The following RASAL1 variants were observed in gnomAD, a reference collection of about 807,000 sequenced individuals.
The protein encoded by RASAL1 is rasGAP-activating-like protein 1.
A neutral mutation model predicts 96.6 loss-of-function variants in RASAL1; 72 were observed. The ratio of observed to expected loss-of-function variants is 0.75; its 90% CI spans 0.62 to 0.91. RASAL1 has a LOEUF of 0.91. Among genes scored for constraint, RASAL1 ranks in the 40% least tolerant of loss-of-function variants. The probability of loss-of-function intolerance (pLI) is 0.00; values close to 1 mark genes in which losing one functional copy is unlikely to be tolerated. For synonymous variants in RASAL1, 405 were observed against 430.4 expected (o/e 0.94, Z 0.73); for missense variants, 1,016 against 1,072.5 (o/e 0.95, Z 0.74).
At chr12:113,128,620 C>G (rs1951583805) in intron 2 of RASAL1, among the ~76,000 whole-genome samples, 1 of 152,036 alleles carries the variant, frequency 6.6e-6, no homozygotes, top group Non-Finnish European at 1.5e-5. Flanking sequence ...TGCATAGCAA[C>G]CAACAGAAAC....
intron 1 of RASAL1, among the ~76,000 whole-genome samples, chr12:113,133,258 TG>T (rs1951785123): frequency 6.6e-6 from 1 of 152,222 alleles, no homozygotes. Context: ...TCCAGACCCC[TG>T]ATCTCTCCAG....
In RASAL1 at chr12:113,103,994, C is replaced by A; in HGVS notation, c.2056G>T (p.Ala686Ser). The A allele has an allele frequency of 6.4e-7, 1 of 1,571,104 alleles. No homozygotes were observed. The highest frequency in any genetic ancestry group is 1.3e-5 in the African/African-American group (1 of 74,278). ...PNKLAACHPGAFRSARWTCCL... is the reference protein window; with the variant it reads ...PNKLAACHPGSFRSARWTCCL... ...CAGGTCCAGCGCGCGCTGCGGAAGG[C>A]ACCGGGGTGGCAGGCGGCCAGCTTG... The change falls in exon 18 of 21, where the codon GCC becomes TCC. Residue 686 changes from alanine to serine, a missense_variant. Ala to Ser is a moderately conservative substitution (Grantham distance 99, BLOSUM62 1). Transcript: ENST00000548055.
intron 5 of RASAL1, among the ~76,000 whole-genome samples, 187 bp from the exon 6 acceptor site, chr12:113,119,630 T>C (rs1210686922): frequency 1.3e-5 from 2 of 152,112 alleles, no homozygotes; most frequent in Admixed American, 6.5e-5. Flanking sequence ...CACCACCCTA[T>C]GGGGAGGCAC....
rs747251472 is a variant in RASAL1 at position 113,099,901 on chromosome 12, C to T, written c.*28G>A. The T allele has an allele frequency of 1.2e-4, 186 of 1,591,390 alleles. No individual in the cohort carries two copies. Among genetic ancestry groups the T allele is most frequent in the Non-Finnish European group, 1.4e-4 (168 of 1,165,332 alleles). ...GAAGAGGGCCCCCTGGCTCTTGCTC[C>T]TCCTTCCGGGCTAGCTCTGGCATTT... On this transcript the variant is annotated 3_prime_UTR_variant, in exon 21 of 21. Coordinates refer to ENST00000548055, the MANE Select transcript of RASAL1 (RefSeq NM_001301202.2).
rs185436972 is a variant in RASAL1, at chr12:113,107,104, C to T, written c.1650G>A (p.Gly550=). 60 of 1,612,000 alleles carry T rather than the reference C, an allele frequency of 3.7e-5. 1 individual carries two copies. In the Admixed American group the frequency reaches 5.7e-4, roughly 15 times the overall value. The part of the protein sequence containing the change: ...DFLDRLVDVD[G]DEEAGVPARA... ...CGGACCACAGGAACTCACCTTCATC[C>T]CCATCCACATCCACCAGCCGGTCCA... The change falls in exon 15 of 21, where the codon GGG becomes GGA. Residue 550 remains glycine, a synonymous_variant. Transcript: ENST00000548055.
intron 5 of RASAL1, among the ~76,000 whole-genome samples, chr12:113,120,840 T>A (rs1293811): frequency 2.0e-5 from 3 of 152,108 alleles, no homozygotes; most frequent in Admixed American, 6.5e-5. Flanking sequence ...CTTAGTGGGG[T>A]CCAATCCCTC....
Position 113,101,886 on chromosome 12 carries a change from C to T in RASAL1, c.2225+3G>A. 1 of 1,612,730 alleles carries T rather than the reference C, an allele frequency of 6.2e-7. No individual in the cohort carries two copies. Among genetic ancestry groups the T allele is most frequent in the South Asian group, 1.1e-5 (1 of 90,922 alleles). On this transcript the variant is annotated splice_donor_region_variant and intron_variant, in intron 19 of 20. Transcript: ENST00000548055. Reference sequence around the variant, plus strand: ...GTGAAGTGGGATGGGTGGGGGCACCCACCTGAGCTGGTCCCGCCCCAGGAG... The same window carrying T: ...GTGAAGTGGGATGGGTGGGGGCACCTACCTGAGCTGGTCCCGCCCCAGGAG...
In RASAL1 at chr12:113,108,200, C is replaced by T. The variant is rs1462870236; in HGVS notation, c.1397G>A (p.Ser466Asn). The T allele has an allele frequency of 1.9e-6, 3 of 1,612,858 alleles. No individual in the cohort carries two copies. The highest frequency in any genetic ancestry group is 2.5e-6 in the Non-Finnish European group (3 of 1,179,518). ...GAAGAATCGCAAGAAGAGAAATCCACTGATGGCCAGGTACTTCACATCCTG... is the reference window on the plus strand; with the variant it reads ...GAAGAATCGCAAGAAGAGAAATCCATTGATGGCCAGGTACTTCACATCCTG... ...EHQDVKYLAI[S>N]GFLFLRFFAP... Residue 466 changes from serine to asparagine, a missense_variant, in exon 14 of 21, where the codon AGT (serine) becomes AAT (asparagine). Physicochemically the swap from Ser to Asn is conservative, Grantham distance 46 (BLOSUM62 1). Transcript: ENST00000548055.
In RASAL1 at chr12:113,115,758, C is replaced by A; in HGVS notation, c.880G>T (p.Glu294Ter). Residue 294 changes from glutamate to a stop codon, truncating the protein, a stop_gained, in exon 10 of 21, where the codon GAA (glutamate) becomes TAA (stop). Coordinates refer to ENST00000548055, the MANE Select transcript of RASAL1 (RefSeq NM_001301202.2). LOFTEE classifies it high-confidence loss of function. The surrounding 1 kb of genome is among the most constrained non-coding windows in gnomAD (Gnocchi z 4.1). ...EDTASPLALL[E>*]ELTLGDCRQD... is the part of the protein sequence containing the mutation. ...CGGCAGTCCCCCAAGGTCAGCTCTT[C>A]CAGCAAAGCCAAGGGGCTAGCAGTG... is the stretch of plus-strand genomic sequence containing the variant. 1 of 1,614,178 alleles carries A rather than the reference C, an allele frequency of 6.2e-7. No homozygotes were observed. The highest frequency in any genetic ancestry group is 8.5e-7 in the Non-Finnish European group (1 of 1,180,030).
At chr12:113,120,353 G>GT (rs1951248208) in intron 5 of RASAL1, among the ~76,000 whole-genome samples, 1 of 152,176 alleles carries the variant, frequency 6.6e-6, no homozygotes, top group African/African-American at 2.4e-5. Flanking sequence ...AGGAGCCTCT[G>GT]CCCCCTGCTG....
intron 4 of RASAL1, among the ~76,000 whole-genome samples, chr12:113,126,280 G>A (rs558958801): frequency 9.2e-4 from 140 of 152,172 alleles, no homozygotes; most frequent in African/African-American, 3.1e-3. Context: ...GCAAGACTCC[G>A]TCTCAAAAAT....
rs1950886351 is a variant in RASAL1, at chr12:113,112,146, G to A, written c.1314C>T (p.Arg438=). The A allele has an allele frequency of 1.6e-6, 2 of 1,253,126 alleles. No individual in the cohort carries two copies. The highest frequency in any genetic ancestry group is 6.3e-5 in the East Asian group (2 of 31,764). The allele number at this position is 1,253,126 out of a possible 1,614,324, so 77.6% of individuals were successfully genotyped here. ...GCCGGTGCAGCTGCTTGAAGGCGAGGCGCATGGCGGGCGGGCAGCGCCCCA... is the reference window on the plus strand; with the variant it reads ...GCCGGTGCAGCTGCTTGAAGGCGAGACGCATGGCGGGCGGGCAGCGCCCCA... The part of the protein sequence containing the change: ...GSVGRCPPAM[R]LAFKQLHRRV... The change falls in exon 13 of 21, where the codon CGC becomes CGT. Residue 438 remains arginine (R), a synonymous_variant. Coordinates refer to ENST00000548055, the MANE Select transcript of RASAL1 (RefSeq NM_001301202.2).
chr12:113,101,838 G>A, intron 19 of RASAL1, 51 bp downstream of exon 19: 1 of 1,587,174 alleles, frequency 6.3e-7, no homozygotes, highest in South Asian at 1.1e-5. Flanking sequence ...ACGGTGGGGG[G>A]CTGGCCTGGC....
rs1199705312 is a variant in RASAL1 at position 113,100,534 on chromosome 12, A to G, written c.2278+94T>C. 2 of 1,091,212 alleles carry G rather than the reference A, an allele frequency of 1.8e-6. 1 individual carries two copies. The highest frequency in any genetic ancestry group is 2.5e-5 in the South Asian group (2 of 79,704). 67.6% of individuals were successfully genotyped at this position (1,091,212 alleles called of 1,614,324 possible). On this transcript the variant is annotated intron_variant, in intron 20 of 20. Transcript: ENST00000548055. The stretch of plus-strand genomic sequence containing the variant: ...AGCTGATCTCGAACTCCTGACCTCA[A>G]GTGATCCACCCACCTCGGCCTCCCA...
At chr12:113,103,369 G>A (rs963596774) in intron 18 of RASAL1, among the ~76,000 whole-genome samples, 5 of 152,068 alleles carry the variant, frequency 3.3e-5, no homozygotes, top group Non-Finnish European at 5.9e-5. Flanking sequence ...ACTTTGGGAG[G>A]CCGAGGAGGG....
intron 5 of RASAL1, among the ~76,000 whole-genome samples, chr12:113,120,544 G>A (rs1218225479): frequency 2.6e-5 from 4 of 152,202 alleles, no homozygotes; most frequent in Non-Finnish European, 5.9e-5. Context: ...AATCTGGGCA[G>A]GGATTTTCCT....
rs557304764 is a variant in RASAL1, at chr12:113,129,711, C to T, written c.122+1174G>A. 2.0e-5 allele frequency among the ~76,000 whole-genome samples: 3 copies of T among 152,236 alleles called. No homozygotes were observed. Among genetic ancestry groups the T allele is most frequent in the South Asian group, 4.1e-4 (2 of 4,824 alleles). On this transcript the variant is annotated intron_variant, in intron 2 of 20. Coordinates refer to ENST00000548055, the MANE Select transcript of RASAL1 (RefSeq NM_001301202.2). This position sits in a 1 kb window ranked among gnomAD's most constrained non-coding sequence, Gnocchi z 5.0. ...TGCCCTAAGAAAGAGTGCACATATG[C>T]GCGCGTGCGCGCACACACACACACA...
At position 113,135,285 on chromosome 12, in the gene RASAL1, G is replaced by T; in HGVS notation, c.65+113C>A. On this transcript the variant is annotated intron_variant, in intron 1 of 20. Transcript: ENST00000548055. This position sits in a 1 kb window ranked among gnomAD's most constrained non-coding sequence, Gnocchi z 5.7. The stretch of plus-strand genomic sequence containing the variant: ...CGGAACTGCCCCAAGACCAGTCTTG[G>T]ACAAGAACCCCTCGCCCTCCTGCCA... 1 of 1,005,464 alleles carries T rather than the reference G, an allele frequency of 9.9e-7. No individual in the cohort carries two copies. Among genetic ancestry groups the T allele is most frequent in the Non-Finnish European group, 1.5e-6 (1 of 674,122 alleles). 62.3% of individuals were successfully genotyped at this position (1,005,464 alleles called of 1,614,324 possible). A position where few individuals can be genotyped will look rare whatever the true frequency, so the allele number is the denominator to read the frequency against.
chr12:113,135,376 G>A lies in RASAL1; in HGVS notation c.65+22C>T, dbSNP rs759212453. ...CCAGGCCTTGCGCGCCCCTCACCCA[G>A]AAGCGCCCGAGGAGTACTCACACGT... On this transcript the variant is annotated intron_variant, in intron 1 of 20. Coordinates refer to ENST00000548055, the MANE Select transcript of RASAL1 (RefSeq NM_001301202.2). This position sits in a 1 kb window ranked among gnomAD's most constrained non-coding sequence, Gnocchi z 5.7. 5 of 1,601,016 alleles carry A rather than the reference G, an allele frequency of 3.1e-6. No homozygotes were observed. The Admixed American group carries it at 5.1e-5, about 16-fold the overall frequency.
Sources: gnomAD v4.1 joint callset for allele counts (sites outside exome capture counted in the v4.1 genomes callset) on GRCh38, gnomAD v4.1.1 for gene constraint, Gnocchi (gnomAD v3.1) non-coding constraint, MANE v1.5 for transcripts, NCBI Gene and HGNC (gene_info 2026-07-23, HGNC 2026-07-21) for gene names.